The following INSL6 variants were observed in gnomAD, a reference collection of about 807,000 sequenced individuals.
INSL6 encodes the protein insulin-like peptide INSL6.
Under a neutral mutation model 9.4 loss-of-function variants are expected in INSL6, and 16 were observed. The ratio of observed to expected loss-of-function variants is 1.70; its 90% CI spans 1.15 to 2.59. The LOEUF (loss-of-function observed/expected upper bound fraction) is 2.59, where lower values mean the gene tolerates loss of function less well. Among genes scored for constraint, INSL6 ranks in the 30% most tolerant of loss-of-function variants. The pLI is 0.00. For missense variants in INSL6, 391 were observed against 257.3 expected (o/e 1.52, Z -3.56); for synonymous variants, 154 against 96.9 (o/e 1.59, Z -3.46).
chr9:5,122,530 C>G (rs780832561), downstream of INSL6, among the ~76,000 whole-genome samples: 1 of 152,014 alleles, frequency 6.6e-6, no homozygotes, highest in African/African-American at 2.4e-5. Context: ...TCTACAGAGA[C>G]AAAAATAAAT....
chr9:5,062,438 G>GA, the INSL6 span, among the ~76,000 whole-genome samples: 1 of 132,898 alleles, frequency 7.5e-6, no homozygotes, highest in Admixed American at 8.7e-5. Context: ...TATGCTATTG[G>GA]AAAAATTGCA....
downstream of INSL6, among the ~76,000 whole-genome samples, chr9:5,163,408 G>C (rs1824969366): frequency 6.6e-6 from 1 of 152,178 alleles, no homozygotes; most frequent in Admixed American, 6.5e-5. Context: ...ATTGTGAAGA[G>C]AAACTGACTA....
intron 2 of INSL6, among the ~76,000 whole-genome samples, chr9:5,146,289 GCTC>G (rs1824600858): frequency 1.3e-5 from 2 of 152,140 alleles, no homozygotes; most frequent in South Asian, 4.2e-4. Flanking sequence ...TTGTTCTCTG[GCTC>G]CTCAATGTTT....
downstream of INSL6, among the ~76,000 whole-genome samples, chr9:5,159,970 T>C (rs1824891249): frequency 6.7e-6 from 1 of 149,692 alleles, no homozygotes; most frequent in African/African-American, 2.5e-5. Flanking sequence ...AGGTCAGGAG[T>C]TTGAGACCAA....
chr9:5,034,824 G>C, the INSL6 span, among the ~76,000 whole-genome samples: 1 of 152,096 alleles, frequency 6.6e-6, no homozygotes, highest in Non-Finnish European at 1.5e-5. Context: ...ACAATTAAAA[G>C]AACTAGAAAA....
At chr9:5,085,632 C>G in the INSL6 span, 3 of 712,666 alleles carry the variant, frequency 4.2e-6, no homozygotes, top group Non-Finnish European at 7.8e-6. Flanking sequence ...GGACAGCCTT[C>G]TTTTCACCCC....
chr9:5,161,722 A>C (rs1453364658), downstream of INSL6, among the ~76,000 whole-genome samples: 1 of 152,218 alleles, frequency 6.6e-6, no homozygotes, highest in Non-Finnish European at 1.5e-5. Flanking sequence ...TAGAACTCAT[A>C]AACAAATTCG....
chr9:4,994,491 G>C, the INSL6 span, among the ~76,000 whole-genome samples: 1 of 152,196 alleles, frequency 6.6e-6, no homozygotes, highest in Non-Finnish European at 1.5e-5. Flanking sequence ...CTGGGGCCTA[G>C]ATTGTGAGAA....
At chr9:5,146,632 T>G (rs115674240) in intron 2 of INSL6, among the ~76,000 whole-genome samples, 72 of 152,338 alleles carry the variant, frequency 4.7e-4, no homozygotes, top group African/African-American at 1.6e-3. Flanking sequence ...GCTGACTCTG[T>G]GCCCACCAAG....
the INSL6 span, among the ~76,000 whole-genome samples, chr9:5,096,052 A>T: frequency 6.6e-6 from 1 of 152,166 alleles, no homozygotes; most frequent in African/African-American, 2.4e-5. Flanking sequence ...CAATAGTCTT[A>T]TTACCCCAAC....
intron 1 of INSL6, among the ~76,000 whole-genome samples, chr9:5,180,290 G>A (rs1231083908): frequency 1.3e-5 from 2 of 152,142 alleles, no homozygotes; most frequent in East Asian, 3.8e-4. Context: ...TGTAAAACGT[G>A]TGTTTGAACA....
the INSL6 span, among the ~76,000 whole-genome samples, chr9:5,005,084 T>A: frequency 6.0e-4 from 4 of 6,644 alleles, no homozygotes; most frequent in South Asian, 0.016. Context: ...GCCTGGCTAA[T>A]TTTTTTTTTT....
the INSL6 span, chr9:5,084,927 A>T: frequency 1.8e-6 from 1 of 560,094 alleles, no homozygotes; most frequent in African/African-American, 1.9e-5. Context: ...CATGAAGCAA[A>T]CAAAGTGTAT....
chr9:5,065,664 G>A, the INSL6 span, among the ~76,000 whole-genome samples: 1 of 152,174 alleles, frequency 6.6e-6, no homozygotes, highest in South Asian at 2.1e-4. Flanking sequence ...GGCTCACACA[G>A]TTGTAGATCC....
the INSL6 span, among the ~76,000 whole-genome samples, chr9:5,070,267 T>C: frequency 6.6e-6 from 1 of 152,280 alleles, no homozygotes; most frequent in Non-Finnish European, 1.5e-5. Context: ...TAATTTTCTT[T>C]TTGGAAATTT....
At chr9:5,083,412 T>C in the INSL6 span, among the ~76,000 whole-genome samples, 2 of 152,334 alleles carry the variant, frequency 1.3e-5, no homozygotes, top group East Asian at 1.9e-4. Flanking sequence ...GTAAGTACCA[T>C]GTTAGTGTTG....
chr9:5,148,946 G>C (rs1322135483), intron 2 of INSL6, among the ~76,000 whole-genome samples: 1 of 146,054 alleles, frequency 6.8e-6, no homozygotes, highest in Non-Finnish European at 1.5e-5. Context: ...CTGCAAAACA[G>C]ACATGCTGCA....
At chr9:5,154,646 C>T (rs1404930685) in intron 2 of INSL6, among the ~76,000 whole-genome samples, 3 of 152,084 alleles carry the variant, frequency 2.0e-5, no homozygotes, top group Non-Finnish European at 2.9e-5. Context: ...CAAAGAACCC[C>T]ATCAACAACT....
chr9:5,173,556 C>T (rs1825231090), intron 1 of INSL6, among the ~76,000 whole-genome samples: 1 of 150,884 alleles, frequency 6.6e-6, no homozygotes, highest in South Asian at 2.1e-4. Flanking sequence ...GGGAGCTGAA[C>T]AATGAGATCA....
Sources: gnomAD v4.1 joint callset for allele counts (sites outside exome capture counted in the v4.1 genomes callset) on GRCh38, gnomAD v4.1.1 for gene constraint, MANE v1.5 for transcripts, NCBI Gene and HGNC (gene_info 2026-07-23, HGNC 2026-07-21) for gene names.